GEMIN8: variants seen among roughly 807,000 people sequenced by gnomAD.
GEMIN8 encodes the protein gem-associated protein 8.
For synonymous variants in GEMIN8, 80 were observed against 78.5 expected, an observed-to-expected ratio of 1.02 and a Z score of -0.10; for missense variants, 185 against 205.9, an observed-to-expected ratio of 0.90 and a Z score of 0.62.
chrX:14,006,690 C>CA (rs764386773), downstream of GEMIN8, among the ~76,000 whole-genome samples: 548 of 111,703 alleles, frequency 4.9e-3, 3 homozygotes, highest in African/African-American at 0.017. Flanking sequence ...TCAAGACTCC[C>CA]ACTGGCACTT....
At chrX:13,996,536 T>C in the GEMIN8 span, among the ~76,000 whole-genome samples, 1 of 111,340 alleles carries the variant, frequency 9.0e-6, no homozygotes, top group Non-Finnish European at 1.9e-5. Flanking sequence ...TTAAATGACC[T>C]CTCACTGGGT....
the GEMIN8 span, among the ~76,000 whole-genome samples, chrX:13,991,164 G>C: frequency 8.9e-6 from 1 of 112,607 alleles, no homozygotes; most frequent in East Asian, 2.8e-4. Context: ...CAATGGCTTG[G>C]CTGAAAGAAT....
chrX:14,019,497 G>A (rs1244230419), intron 4 of GEMIN8, among the ~76,000 whole-genome samples: 1 of 111,954 alleles, frequency 8.9e-6, no homozygotes, highest in Non-Finnish European at 1.9e-5. Flanking sequence ...TTAGGTTCAT[G>A]CTATTTAAGA....
chrX:13,986,953 T>A, the GEMIN8 span, among the ~76,000 whole-genome samples: 1 of 112,959 alleles, frequency 8.9e-6, no homozygotes, highest in Middle Eastern at 4.6e-3. Flanking sequence ...ACAGATTTTT[T>A]AATAGTTTTA....
chrX:13,995,444 A>G, the GEMIN8 span, among the ~76,000 whole-genome samples: 1 of 111,539 alleles, frequency 9.0e-6, no homozygotes, highest in Non-Finnish European at 1.9e-5. Flanking sequence ...CCAATCACAC[A>G]TTTCCCATCT....
At chrX:14,000,818 A>T in the GEMIN8 span, among the ~76,000 whole-genome samples, 1 of 111,335 alleles carries the variant, frequency 9.0e-6, no homozygotes, top group Admixed American at 9.6e-5. Flanking sequence ...TTTGTTGCTC[A>T]GGCTGTCCAG....
At chrX:13,990,183 A>C in the GEMIN8 span, among the ~76,000 whole-genome samples, 4 of 112,843 alleles carry the variant, frequency 3.5e-5, no homozygotes, top group Non-Finnish European at 7.5e-5. Context: ...TCATTGAAGA[A>C]ATTTCTATTG....
intron 3 of GEMIN8, 72 bp downstream of exon 3, chrX:14,021,392 T>TA (rs1189913114): frequency 2.4e-4 from 138 of 586,570 alleles, no homozygotes; most frequent in Admixed American, 6.4e-4. Context: ...ACTTAAAGTA[T>TA]AAAAAAAAAG....
intron 4 of GEMIN8, among the ~76,000 whole-genome samples, chrX:14,017,727 G>A (rs1311154216): frequency 8.9e-6 from 1 of 112,103 alleles, no homozygotes; most frequent in East Asian, 2.8e-4. Context: ...CACTGCATGT[G>A]TGTCTGTCTC....
intron 4 of GEMIN8, among the ~76,000 whole-genome samples, chrX:14,014,761 C>T (rs759245790): frequency 3.6e-5 from 4 of 111,936 alleles, no homozygotes; most frequent in African/African-American, 6.5e-5. Flanking sequence ...TCCCCTCAAA[C>T]GTATGAAAAC....
At chrX:14,003,156 G>A (rs757554220), downstream of GEMIN8, among the ~76,000 whole-genome samples, 2 of 112,511 alleles carry the variant, frequency 1.8e-5, no homozygotes, top group African/African-American at 3.2e-5. Context: ...AGAGTCACAC[G>A]TTCTCAAGCC....
At chrX:13,986,887 C>A in the GEMIN8 span, among the ~76,000 whole-genome samples, 2 of 112,323 alleles carry the variant, frequency 1.8e-5, no homozygotes, top group African/African-American at 6.5e-5. Context: ...CTGTTGCCAA[C>A]CAACAAGAAA....
At chrX:13,995,918 A>T in the GEMIN8 span, among the ~76,000 whole-genome samples, 1 of 111,372 alleles carries the variant, frequency 9.0e-6, no homozygotes, top group African/African-American at 3.3e-5. Context: ...GGCCTATCAC[A>T]CCATCTCAAG....
intron 4 of GEMIN8, among the ~76,000 whole-genome samples, chrX:14,015,145 G>A (rs1050626095): frequency 8.9e-6 from 1 of 111,754 alleles, no homozygotes; most frequent in Non-Finnish European, 1.9e-5. Context: ...GCTCAAACCC[G>A]AGAAAACAGT....
At chrX:14,010,293 A>G (rs987242360) in intron 4 of GEMIN8, among the ~76,000 whole-genome samples, 1 of 112,342 alleles carries the variant, frequency 8.9e-6, no homozygotes, top group African/African-American at 3.2e-5. Flanking sequence ...GTAAACTGCA[A>G]CAACATAAAA....
At position 14,026,208 on chromosome X, in the gene GEMIN8, A is replaced by G. The variant is rs1226094196; in HGVS notation, c.-102T>C. ...GGGACTGAACAGTAACTTTTCTCCA[A>G]TGGGCTGGTGGAGCTGAAAGAAAAG... On this transcript the variant is annotated 5_prime_UTR_variant, in exon 2 of 5. Transcript: ENST00000680255. 2 of 748,406 alleles carry G rather than the reference A, an allele frequency of 2.7e-6. No individual in the cohort carries two copies. The highest frequency in any genetic ancestry group is 3.1e-6 in the Non-Finnish European group (2 of 635,036). The allele number at this position is 748,406 out of a possible 1,213,427, so 61.7% of individuals were successfully genotyped here. A position where few individuals can be genotyped will look rare whatever the true frequency, so the allele number is the denominator to read the frequency against.
At chrX:13,992,041 T>C in the GEMIN8 span, among the ~76,000 whole-genome samples, 1 of 112,647 alleles carries the variant, frequency 8.9e-6, no homozygotes, top group South Asian at 3.7e-4. Context: ...AGTACTCGTC[T>C]ACTGGCCATG....
At position 14,008,673 on chromosome X, in the gene GEMIN8, G is replaced by C. The variant is rs1326872872; in HGVS notation, c.*240C>G. 1 of 414,217 alleles carries C rather than the reference G, an allele frequency of 2.4e-6. No homozygotes were observed. The highest frequency in any genetic ancestry group is 2.5e-5 in the African/African-American group (1 of 40,127). 34.1% of individuals were successfully genotyped at this position (414,217 alleles called of 1,213,427 possible). A position where few individuals can be genotyped will look rare whatever the true frequency, so the allele number is the denominator to read the frequency against. ...ACCAACAACATAAAAAACCAGTATA[G>C]TATATGCAAAATTATTTTATGTCAG... On this transcript the variant is annotated 3_prime_UTR_variant, in exon 5 of 5. Transcript: ENST00000680255.
intron 4 of GEMIN8, among the ~76,000 whole-genome samples, chrX:14,012,673 C>G (rs1346335812): frequency 4.5e-5 from 5 of 111,986 alleles, no homozygotes; most frequent in Non-Finnish European, 9.4e-5. Context: ...CAGGAAGTGA[C>G]TGTCAAATGA....
Sources: allele counts gnomAD v4.1 joint callset (sites outside exome capture counted in the v4.1 genomes callset), GRCh38; gene constraint gnomAD v4.1.1; transcripts MANE v1.5; gene names NCBI Gene and HGNC (gene_info 2026-07-23, HGNC 2026-07-21).